Variants in LTA4H observed in about 807,000 individuals in gnomAD.
LTA4H encodes the protein leukotriene A4 hydrolase, also known as leukotriene A-4 hydrolase.
A neutral mutation model predicts 89.8 loss-of-function variants in LTA4H; 59 were observed. That is an observed-to-expected ratio of 0.66 (90% CI 0.53 to 0.82). LTA4H has a LOEUF of 0.82. Among genes scored for constraint, LTA4H ranks in the 40% least tolerant of loss-of-function variants. The probability of loss-of-function intolerance (pLI) is 0.00; values close to 1 mark genes in which losing one functional copy is unlikely to be tolerated. For missense variants in LTA4H, 617 were observed against 727.0 expected (o/e 0.85, Z 1.74); for synonymous variants, 227 against 253.1 (o/e 0.90, Z 0.98).
exon 1 of LTA4H, chr12:96,043,345 G>C: frequency 6.5e-7 from 1 of 1,535,366 alleles, no homozygotes; most frequent in Non-Finnish European, 8.7e-7. Context: ...GTCGGTACTT[G>C]TCTTTTAGAA....
chr12:96,014,263 G>C (rs1360767498), intron 12 of LTA4H: 1 of 169,742 alleles, frequency 5.9e-6, no homozygotes, highest in African/African-American at 2.4e-5. Context: ...TCCATCAGTG[G>C]GGGATGGGTA....
intron 2 of LTA4H, 117 bp downstream of exon 2, chr12:96,028,938 T>C (rs1950541454): frequency 2.7e-6 from 2 of 731,496 alleles, no homozygotes; most frequent in African/African-American, 3.7e-5. Flanking sequence ...GGATAAGTAG[T>C]GTACCAATCA....
intron 14 of LTA4H, chr12:96,009,454 G>A (rs1303940366): frequency 6.2e-6 from 2 of 322,114 alleles, no homozygotes; most frequent in Non-Finnish European, 1.1e-5. Context: ...GGAATCAGTT[G>A]AGCATATTTA....
rs1360535544 is a variant in LTA4H, at chr12:96,033,553, T to C, written c.159+1808A>G. Among the ~76,000 whole-genome samples the C allele has an allele frequency of 2.0e-5, 3 of 152,196 alleles. No homozygotes were observed. In the East Asian group the frequency reaches 5.8e-4, roughly 29 times the overall value. On this transcript the variant is annotated intron_variant, in intron 1 of 18. Transcript: ENST00000228740. ...GTTCAAATATGGCAGTCTCACAGTG[T>C]GGTTTTTCTTTTTTTATTATTATAC...
In LTA4H at chr12:96,006,307, T is replaced by C. The variant is rs201756013; in HGVS notation, c.1530+7A>G. 3.2e-6 allele frequency: 5 copies of C among 1,579,696 alleles called. No homozygotes were observed. The highest frequency in any genetic ancestry group is 2.2e-5 in the East Asian group (1 of 44,532). On this transcript the variant is annotated splice_region_variant and intron_variant, in intron 16 of 18. Transcript: ENST00000228740. ...TTTAATTTCTAAGATTTTGAGCTAG[T>C]ACTTACCCTCTGGAGCGTCTGTGCT... is the stretch of plus-strand genomic sequence containing the variant.
intron 1 of LTA4H, among the ~76,000 whole-genome samples, chr12:96,030,343 A>G (rs921622248): frequency 6.6e-6 from 1 of 152,128 alleles, no homozygotes; most frequent in Non-Finnish European, 1.5e-5. Flanking sequence ...CACATCTTCA[A>G]TTAGTATCTC....
chr12:96,035,706 C>G (rs1026080148), upstream of LTA4H: 1 of 1,380,646 alleles, frequency 7.2e-7, no homozygotes, highest in Non-Finnish European at 9.4e-7. Context: ...ACTACAAGTT[C>G]CATGGTGCCG....
chr12:96,037,492 A>G (rs1268127855), upstream of LTA4H, among the ~76,000 whole-genome samples: 2 of 152,178 alleles, frequency 1.3e-5, no homozygotes, highest in African/African-American at 4.8e-5. Context: ...AAAATTCTCT[A>G]GATTTGGCAG....
chr12:96,029,034 G>T, intron 2 of LTA4H, 21 bp downstream of exon 2: 1 of 1,529,142 alleles, frequency 6.5e-7, no homozygotes, highest in Middle Eastern at 1.8e-4. Flanking sequence ...CTGTAAAAGA[G>T]AAAGATCATA....
At chr12:96,019,390 A>G in intron 6 of LTA4H, 150 bp from the exon 7 acceptor site, 1 of 638,568 alleles carries the variant, frequency 1.6e-6, no homozygotes, top group Non-Finnish European at 2.7e-6. Context: ...ACATGGCGTG[A>G]GCTGCAAACC....
At chr12:96,003,985 G>C (rs1226683174) in intron 16 of LTA4H, 65 bp from the exon 17 acceptor site, 2 of 877,360 alleles carry the variant, frequency 2.3e-6, no homozygotes, top group Non-Finnish European at 3.6e-6. Context: ...AAAGGAGCTG[G>C]AGAGAAATGC....
At chr12:96,042,236 C>G (rs1319987327) in intron 1 of LTA4H, among the ~76,000 whole-genome samples, 1 of 152,078 alleles carries the variant, frequency 6.6e-6, no homozygotes, top group African/African-American at 2.4e-5. Flanking sequence ...CTCCTGAGCT[C>G]AAGCAATGTG....
At chr12:96,031,859 G>GT (rs1395345818) in intron 1 of LTA4H, among the ~76,000 whole-genome samples, 1 of 151,938 alleles carries the variant, frequency 6.6e-6, no homozygotes, top group Non-Finnish European at 1.5e-5. Flanking sequence ...ACAAAGCAGA[G>GT]TTTTTTTAAA....
intron 2 of LTA4H, 32 bp from the exon 3 acceptor site, chr12:96,027,596 T>C: frequency 7.1e-7 from 1 of 1,404,608 alleles, no homozygotes. Context: ...ATTAGTAGAG[T>C]ATGATTCCAT....
At chr12:96,017,198 C>A in intron 9 of LTA4H, 84 bp from the exon 10 acceptor site, 1 of 959,422 alleles carries the variant, frequency 1.0e-6, no homozygotes, top group South Asian at 1.4e-5. Context: ...CCATGTTATT[C>A]AATTTTTAAA....
At chr12:96,042,940 A>G (rs1464070294) in intron 1 of LTA4H, among the ~76,000 whole-genome samples, 1 of 152,158 alleles carries the variant, frequency 6.6e-6, no homozygotes, top group Non-Finnish European at 1.5e-5. Flanking sequence ...AATGTTCATG[A>G]TTGATAAATG....
chr12:96,034,638 G>A (rs1950615475), intron 1 of LTA4H, among the ~76,000 whole-genome samples: 1 of 152,212 alleles, frequency 6.6e-6, no homozygotes, highest in Non-Finnish European at 1.5e-5. Context: ...AGAGAGCTGC[G>A]CCTAGAGTTA....
chr12:96,013,694 G>C, intron 13 of LTA4H, 56 bp downstream of exon 13: 1 of 899,252 alleles, frequency 1.1e-6, no homozygotes. Flanking sequence ...AACCTAATCA[G>C]TCAATAAATA....
chr12:96,040,055 G>T (rs949895222), upstream of LTA4H, among the ~76,000 whole-genome samples: 1 of 152,164 alleles, frequency 6.6e-6, no homozygotes, highest in Non-Finnish European at 1.5e-5. Context: ...AGAAAGTCAA[G>T]AATAACGTCA....
Sources: allele counts gnomAD v4.1 joint callset (sites outside exome capture counted in the v4.1 genomes callset), GRCh38; gene constraint gnomAD v4.1.1; transcripts MANE v1.5; gene names NCBI Gene and HGNC (gene_info 2026-07-23, HGNC 2026-07-21).